The following ANK1 variants were observed in gnomAD, a reference collection of about 807,000 sequenced individuals.
The protein encoded by ANK1 is ankyrin-1.
ANK1 carries 51 observed loss-of-function variants against 210.4 expected under a neutral mutation model. The ratio of observed to expected loss-of-function variants is 0.24; its 90% CI spans 0.19 to 0.31. The LOEUF is 0.31. Ranked by LOEUF, ANK1 falls within the 10% of genes least tolerant of loss-of-function variation. The pLI is 1.00. For synonymous variants in ANK1, 967 were observed against 1,025.9 expected, an observed-to-expected ratio of 0.94 and a Z score of 1.10; for missense variants, 2,051 against 2,504.4, an observed-to-expected ratio of 0.82 and a Z score of 3.86.
At chr8:41,862,916 G>A (rs1432606956) in intron 1 of ANK1, among the ~76,000 whole-genome samples, 1 of 152,146 alleles carries the variant, frequency 6.6e-6, no homozygotes, top group Non-Finnish European at 1.5e-5. Context: ...GGAGGCTGAG[G>A]TAGGAGGATT....
chr8:41,727,880 C>T (rs1032597678), intron 4 of ANK1, 28 bp downstream of exon 4: 67 of 1,607,378 alleles, frequency 4.2e-5, no homozygotes, highest in Non-Finnish European at 5.5e-5. Context: ...AAGGCAACAC[C>T]CTCTAGTCCA....
chr8:41,767,817 C>G (rs1279210805), intron 1 of ANK1, among the ~76,000 whole-genome samples: 1 of 152,122 alleles, frequency 6.6e-6, no homozygotes, highest in Non-Finnish European at 1.5e-5. Flanking sequence ...CCCGCCTCCC[C>G]GAATGCCCTG....
At chr8:41,833,731 T>C (rs935945809) in intron 1 of ANK1, among the ~76,000 whole-genome samples, 3 of 152,198 alleles carry the variant, frequency 2.0e-5, no homozygotes, top group African/African-American at 7.2e-5. Flanking sequence ...GGCTCTGTGT[T>C]GGTGCTGTGG....
chr8:41,737,094 T>C (rs1192262346), intron 2 of ANK1, among the ~76,000 whole-genome samples: 1 of 152,078 alleles, frequency 6.6e-6, no homozygotes, highest in Non-Finnish European at 1.5e-5. Context: ...AGGGCAGGAG[T>C]TCGAGACCAG....
chr8:41,664,040 G>C (rs1470755922), intron 39 of ANK1: 1 of 551,774 alleles, frequency 1.8e-6, no homozygotes, highest in Non-Finnish European at 3.4e-6. Flanking sequence ...GTCTGACGGA[G>C]GAGGCCCTGA....
rs553220650 is a variant in ANK1 at position 41,843,166 on chromosome 8, C to T, written c.126+53189G>A. On this transcript the variant is annotated intron_variant, in intron 1 of 42. Transcript: ENST00000265709. Reference sequence around the variant, plus strand: ...CCCAGCCAATGTTCATATATTTTAACAAAGTATGCTTACATTGCCTTAAAT... The same window carrying T: ...CCCAGCCAATGTTCATATATTTTAATAAAGTATGCTTACATTGCCTTAAAT... Among the ~76,000 whole-genome samples, 24 of 152,296 alleles carry T rather than the reference C, an allele frequency of 1.6e-4. No individual in the cohort carries two copies. The South Asian group carries it at 5.0e-3, about 32-fold the overall frequency.
chr8:41,729,493 C>T (rs915704746), intron 3 of ANK1, among the ~76,000 whole-genome samples: 1 of 152,122 alleles, frequency 6.6e-6, no homozygotes. Context: ...TGGGCTCAAG[C>T]GATCCTCCCA....
intron 1 of ANK1, among the ~76,000 whole-genome samples, chr8:41,808,364 A>G (rs572238014): frequency 6.6e-6 from 1 of 152,310 alleles, no homozygotes; most frequent in Non-Finnish European, 1.5e-5. Flanking sequence ...AACCTGGGAC[A>G]TGCCACTTAC....
chr8:41,674,541 C>T (rs1320586840), intron 37 of ANK1, among the ~76,000 whole-genome samples: 4 of 152,252 alleles, frequency 2.6e-5, no homozygotes, highest in African/African-American at 9.6e-5. Context: ...AGCCCCATGA[C>T]CACTGAAGAG....
In ANK1 at chr8:41,672,351, T is replaced by C; in HGVS notation, c.5096+3A>G. ...GACCCTGCTCCCACAGTCAAGCTCT[T>C]ACCTGTCCTGACTCCTCTCCGTCAC... is the stretch of plus-strand genomic sequence containing the variant. On this transcript the variant is annotated splice_donor_region_variant and intron_variant, in intron 38 of 42. Coordinates refer to ENST00000289734, the MANE Select transcript of ANK1 (RefSeq NM_000037.4). 2 of 1,614,018 alleles carry C rather than the reference T, an allele frequency of 1.2e-6. No homozygotes were observed. The highest frequency in any genetic ancestry group is 1.7e-6 in the Non-Finnish European group (2 of 1,179,952).
At chr8:41,869,282 G>A (rs983817800) in intron 1 of ANK1, among the ~76,000 whole-genome samples, 2 of 152,208 alleles carry the variant, frequency 1.3e-5, no homozygotes, top group African/African-American at 4.8e-5. Flanking sequence ...AGGCAGGGAA[G>A]AGAGTGCTCC....
At position 41,690,794 on chromosome 8, in the gene ANK1, C is replaced by T. The variant is rs6987404; in HGVS notation, c.3859-195G>A. On this transcript the variant is annotated intron_variant, in intron 31 of 42. Coordinates refer to ENST00000289734, the MANE Select transcript of ANK1 (RefSeq NM_000037.4). ...ATTGTGATCAATGAGGCATGCTTCC[C>T]GACTTCAACAGATTTTGTAATATGT... is the stretch of plus-strand genomic sequence containing the variant. Among the ~76,000 whole-genome samples the T allele has an allele frequency of 0.17, 25,996 of 152,230 alleles. 4,909 individuals are homozygous for T. Among genetic ancestry groups the T allele is most frequent in the African/African-American group, 0.47 (19,708 of 41,492 alleles).
At chr8:41,826,969 A>C (rs1805498110) in intron 1 of ANK1, among the ~76,000 whole-genome samples, 2 of 152,198 alleles carry the variant, frequency 1.3e-5, no homozygotes, top group African/African-American at 4.8e-5. Context: ...TGTTCCTGTC[A>C]ATATGTTTAG....
intron 42 of ANK1, 21 bp downstream of exon 42, chr8:41,661,409 G>A: frequency 6.2e-7 from 1 of 1,613,376 alleles, no homozygotes; most frequent in Non-Finnish European, 8.5e-7. Context: ...CATGCAGAGG[G>A]GATGAGAAGG....
chr8:41,871,088 C>T (rs1265280228), intron 1 of ANK1, among the ~76,000 whole-genome samples: 2 of 152,184 alleles, frequency 1.3e-5, no homozygotes, highest in African/African-American at 4.8e-5. Context: ...ACACCTTTGA[C>T]TCTAAGAGGC....
chr8:41,693,340 AC>A (rs1443046834), intron 29 of ANK1, 139 bp from the exon 30 acceptor site: 1 of 616,242 alleles, frequency 1.6e-6, no homozygotes, highest in East Asian at 3.6e-5. Context: ...CCCTACCCTC[AC>A]CCCGCTGCTC....
At chr8:41,892,574 T>C (rs10099058) in intron 1 of ANK1, among the ~76,000 whole-genome samples, 16,464 of 152,212 alleles carry the variant, frequency 0.11, 2,380 homozygotes, top group African/African-American at 0.33. Flanking sequence ...AGGAACTAAC[T>C]ACATGCTCAG....
At chr8:41,737,438 G>T (rs913826340) in intron 2 of ANK1, among the ~76,000 whole-genome samples, 2 of 152,136 alleles carry the variant, frequency 1.3e-5, no homozygotes, top group African/African-American at 4.8e-5. Context: ...TTGATCTCTA[G>T]GATTTTATTC....
rs985881178 is a variant in ANK1 at position 41,654,814 on chromosome 8, A to G, written c.*976T>C. On this transcript the variant is annotated 3_prime_UTR_variant, in exon 43 of 43. Coordinates refer to ENST00000289734, the MANE Select transcript of ANK1 (RefSeq NM_000037.4). The stretch of plus-strand genomic sequence containing the variant: ...TGAAGACATAGAAAACCTCTTCTCT[A>G]TGGACATGCTGGTGCAATCCTGGGT... 5 of 152,710 alleles carry G rather than the reference A, an allele frequency of 3.3e-5. No individual in the cohort carries two copies. The highest frequency in any genetic ancestry group is 1.2e-4 in the African/African-American group (5 of 41,446). The allele number at this position is 152,710 out of a possible 1,614,324, so 9.5% of individuals were successfully genotyped here.
Sources: gnomAD v4.1 joint callset for allele counts (sites outside exome capture counted in the v4.1 genomes callset) on GRCh38, gnomAD v4.1.1 for gene constraint, MANE v1.5 for transcripts, NCBI Gene and HGNC (gene_info 2026-07-23, HGNC 2026-07-21) for gene names.